ST18: variants seen among roughly 807,000 people sequenced by gnomAD.
ST18 encodes ST18 C2H2C-type zinc finger transcription factor, also known as suppression of tumorigenicity 18 protein.
In ST18, 50 loss-of-function variants were observed where a neutral mutation model predicts 110.0. The ratio of observed to expected loss-of-function variants is 0.45; its 90% CI spans 0.36 to 0.58. The LOEUF is 0.58. ST18 is among the 20% of genes least tolerant of loss of function. The pLI is 0.00. For missense variants in ST18, 1,306 were observed against 1,280.1 expected (o/e 1.02, Z -0.31); for synonymous variants, 461 against 452.4 (o/e 1.02, Z -0.24).
chr8:52,136,761 G>T, intron 18 of ST18, 103 bp from the exon 19 acceptor site: 1 of 997,362 alleles, frequency 1.0e-6, no homozygotes, highest in Non-Finnish European at 1.5e-6. Context: ...ATTGGTGACT[G>T]GGGATTGGGA....
intron 8 of ST18, among the ~76,000 whole-genome samples, chr8:52,211,774 C>T (rs1423983963): frequency 3.3e-5 from 5 of 152,100 alleles, no homozygotes; most frequent in Non-Finnish European, 1.5e-5. Flanking sequence ...AGTGTGAAAT[C>T]CAACCGCATG....
At chr8:52,251,905 T>C (rs992514239) in intron 2 of ST18, among the ~76,000 whole-genome samples, 7 of 152,090 alleles carry the variant, frequency 4.6e-5, no homozygotes, top group Admixed American at 1.3e-4. Flanking sequence ...AATTTAACTA[T>C]TCTTTTTGCA....
chr8:52,203,960 C>T (rs980056663), intron 8 of ST18, among the ~76,000 whole-genome samples: 1 of 152,178 alleles, frequency 6.6e-6, no homozygotes, highest in African/African-American at 2.4e-5. Context: ...ACTCTCAGAA[C>T]ACAATTTAGG....
intron 2 of ST18, among the ~76,000 whole-genome samples, chr8:52,408,542 C>CTAACGT (rs1489252571): frequency 6.6e-6 from 1 of 152,172 alleles, no homozygotes; most frequent in Non-Finnish European, 1.5e-5. Context: ...TGTCATAGTG[C>CTAACGT]TAACGTTATG....
At chr8:52,357,984 T>C (rs191703692) in intron 2 of ST18, among the ~76,000 whole-genome samples, 19 of 151,326 alleles carry the variant, frequency 1.3e-4, no homozygotes, top group South Asian at 2.1e-4. Context: ...TTTTAATAGG[T>C]TAAAATTATA....
chr8:52,214,012 T>C (rs2083173024), intron 7 of ST18, among the ~76,000 whole-genome samples, 191 bp downstream of exon 7: 1 of 152,242 alleles, frequency 6.6e-6, no homozygotes, highest in Admixed American at 6.5e-5. Flanking sequence ...TGGACTTTTC[T>C]GAGTTCTTTA....
At position 52,112,960 on chromosome 8, in the gene ST18, G is replaced by T. The variant is rs2040958395; in HGVS notation, c.*238C>A. Reference sequence around the variant, plus strand: ...AAAAGAGTACAATGAAGAAATAAAAGAAAAACATATGAAAATAAATAAGAT... The same window carrying T: ...AAAAGAGTACAATGAAGAAATAAAATAAAAACATATGAAAATAAATAAGAT... On this transcript the variant is annotated 3_prime_UTR_variant, in exon 26 of 26. Transcript: ENST00000689386. 3 of 333,092 alleles carry T rather than the reference G, an allele frequency of 9.0e-6. No individual in the cohort carries two copies. The highest frequency in any genetic ancestry group is 1.3e-4 in the South Asian group (1 of 7,430). 20.6% of individuals were successfully genotyped at this position (333,092 alleles called of 1,614,324 possible). A position where few individuals can be genotyped will look rare whatever the true frequency, so the allele number is the denominator to read the frequency against.
In ST18 at chr8:52,290,497, G is replaced by A. The variant is rs191680915; in HGVS notation, c.-464-60420C>T. 1.8e-3 allele frequency among the ~76,000 whole-genome samples: 274 copies of A among 152,304 alleles called. 1 individual carries two copies. Among genetic ancestry groups the A allele is most frequent in the South Asian group, 6.2e-3 (30 of 4,830 alleles). On this transcript the variant is annotated intron_variant, in intron 2 of 25. Transcript: ENST00000689386. ...ACAAAGAATAGAGAAGCCAAAAAAGGTTGACGCATACTTGCCCTATTTGAT... is the reference window on the plus strand; with the variant it reads ...ACAAAGAATAGAGAAGCCAAAAAAGATTGACGCATACTTGCCCTATTTGAT...
intron 2 of ST18, among the ~76,000 whole-genome samples, chr8:52,333,492 T>A (rs1279097871): frequency 6.6e-6 from 1 of 151,790 alleles, no homozygotes; most frequent in Non-Finnish European, 1.5e-5. Flanking sequence ...CAGAAAAAAA[T>A]GTTGTGAAGA....
intron 23 of ST18, among the ~76,000 whole-genome samples, chr8:52,125,530 C>G (rs1468704327): frequency 6.6e-6 from 1 of 152,142 alleles, no homozygotes; most frequent in African/African-American, 2.4e-5. Context: ...GTTGTCCAGG[C>G]TGGAGTGCAG....
intron 8 of ST18, chr8:52,199,368 C>T (rs2077208644): frequency 6.6e-6 from 1 of 152,250 alleles, no homozygotes; most frequent in African/African-American, 2.4e-5. Flanking sequence ...CCATTTGGCC[C>T]TCATGCTGGC....
At chr8:52,130,499 T>C (rs1254564461) in intron 22 of ST18, among the ~76,000 whole-genome samples, 1 of 152,230 alleles carries the variant, frequency 6.6e-6, no homozygotes, top group African/African-American at 2.4e-5. Context: ...ACCAAGGTTG[T>C]TTCCAGTCTG....
intron 2 of ST18, among the ~76,000 whole-genome samples, chr8:52,304,891 T>C (rs1333715039): frequency 6.6e-6 from 1 of 152,176 alleles, no homozygotes; most frequent in Non-Finnish European, 1.5e-5. Context: ...ATCCCATTCA[T>C]AAGGGTTCCA....
At chr8:52,323,259 T>A (rs1014398013) in intron 2 of ST18, among the ~76,000 whole-genome samples, 8 of 152,238 alleles carry the variant, frequency 5.3e-5, no homozygotes, top group African/African-American at 1.7e-4. Flanking sequence ...ACCACAGATG[T>A]TCCATTTGAT....
intron 2 of ST18, among the ~76,000 whole-genome samples, chr8:52,236,624 A>AC (rs1345343686): frequency 6.6e-6 from 1 of 151,944 alleles, no homozygotes; most frequent in Non-Finnish European, 1.5e-5. Context: ...AAAAAAAAAA[A>AC]AAAAAACTAT....
chr8:52,372,945 T>A (rs1830779123), intron 2 of ST18, among the ~76,000 whole-genome samples: 1 of 152,222 alleles, frequency 6.6e-6, no homozygotes, highest in African/African-American at 2.4e-5. Context: ...AATAAAAAAT[T>A]ATAAGTATTT....
intron 2 of ST18, among the ~76,000 whole-genome samples, chr8:52,259,568 C>T (rs2094621167): frequency 6.6e-6 from 1 of 151,854 alleles, no homozygotes; most frequent in Non-Finnish European, 1.5e-5. Flanking sequence ...TAAATGATTC[C>T]CTGTTATAAT....
At chr8:52,161,195 A>G (rs920788766) in intron 14 of ST18, among the ~76,000 whole-genome samples, 180 bp downstream of exon 14, 1 of 152,216 alleles carries the variant, frequency 6.6e-6, no homozygotes, top group African/African-American at 2.4e-5. Flanking sequence ...GCATAAAATC[A>G]ATAACATTGA....
At chr8:52,302,855 C>T (rs1027375813) in intron 2 of ST18, among the ~76,000 whole-genome samples, 1 of 151,942 alleles carries the variant, frequency 6.6e-6, no homozygotes. Context: ...CCAAAAAATA[C>T]ATAGAAGGAA....
Sources: gnomAD v4.1 joint callset for allele counts (sites outside exome capture counted in the v4.1 genomes callset) on GRCh38, gnomAD v4.1.1 for gene constraint, MANE v1.5 for transcripts, NCBI Gene and HGNC (gene_info 2026-07-23, HGNC 2026-07-21) for gene names.